BRD2: variants seen among roughly 807,000 people sequenced by gnomAD.
The protein encoded by BRD2 is bromodomain containing 2.
Under a neutral mutation model 79.1 loss-of-function variants are expected in BRD2, and 15 were observed. That is an observed-to-expected ratio of 0.19 (90% CI 0.13 to 0.29). BRD2 has a LOEUF of 0.29. Among genes scored for constraint, BRD2 ranks in the 10% least tolerant of loss-of-function variants. The pLI, the probability that BRD2 is intolerant of heterozygous loss-of-function variation, is 1.00. For synonymous variants in BRD2, 488 were observed against 358.6 expected (o/e 1.36, Z -4.08); for missense variants, 1,053 against 991.3 (o/e 1.06, Z -0.84).
At chr6:32,979,520 C>A in intron 10 of BRD2, 1 of 400,316 alleles carries the variant, frequency 2.5e-6, no homozygotes, top group South Asian at 5.0e-5. Flanking sequence ...TTTGTGACAA[C>A]CCTGTGTGGA....
chr6:32,969,908 C>T (rs1447100044), intron 1 of BRD2, among the ~76,000 whole-genome samples: 1 of 152,176 alleles, frequency 6.6e-6, no homozygotes, highest in Non-Finnish European at 1.5e-5. Context: ...CTGAACAGTT[C>T]TCTCCTTGTG....
chr6:32,974,361 C>A, intron 2 of BRD2, 101 bp from the exon 3 acceptor site: 3 of 1,247,256 alleles, frequency 2.4e-6, no homozygotes, highest in Non-Finnish European at 3.4e-6. Context: ...TAAGCTTAAC[C>A]ACCTCACTAG....
chr6:32,975,247 C>A, intron 3 of BRD2, 137 bp from the exon 4 acceptor site: 1 of 1,120,336 alleles, frequency 8.9e-7, no homozygotes, highest in Non-Finnish European at 1.2e-6. Flanking sequence ...TTAATTGGGG[C>A]CGCAGTTTAA....
intron 2 of BRD2, among the ~76,000 whole-genome samples, chr6:32,973,437 C>T (rs12196597): frequency 1.3e-5 from 2 of 152,074 alleles, no homozygotes; most frequent in Non-Finnish European, 2.9e-5. Context: ...CTTTTGCTTT[C>T]TTTGGGTGGG....
At position 32,972,289 on chromosome 6, in the gene BRD2, T is replaced by C. The variant is rs1282025508; in HGVS notation, c.-610T>C. The C allele has an allele frequency of 5.8e-5, 24 of 411,908 alleles. No individual in the cohort carries two copies. Among genetic ancestry groups the C allele is most frequent in the African/African-American group, 2.1e-5 (1 of 48,724 alleles). The allele number at this position is 411,908 out of a possible 1,614,324, so 25.5% of individuals were successfully genotyped here. A position where few individuals can be genotyped will look rare whatever the true frequency, so the allele number is the denominator to read the frequency against. ...CCTTCGAGTCGTCCGGGGCCGCCAT[T>C]ACAATCCACCTCCATCCGCTTGGAA... On this transcript the variant is annotated 5_prime_UTR_variant, in exon 2 of 13. Coordinates refer to ENST00000374825, the MANE Select transcript of BRD2 (RefSeq NM_005104.4).
Position 32,981,084 on chromosome 6 carries a change from T to G in BRD2, c.*366T>G, listed in dbSNP as rs2127530036. On this transcript the variant is annotated 3_prime_UTR_variant, in exon 13 of 13. Transcript: ENST00000374825. ...TTGAGATTGTTTGTTCTAATTTATT[T>G]TAAGCTAGGTAAGGCTGGGGGGAGG... 1 of 195,024 alleles carries G rather than the reference T, an allele frequency of 5.1e-6. No homozygotes were observed. Among genetic ancestry groups the G allele is most frequent in the African/African-American group, 2.3e-5 (1 of 43,362 alleles). The allele number at this position is 195,024 out of a possible 1,614,324, so 12.1% of individuals were successfully genotyped here.
At position 32,972,048 on chromosome 6, in the gene BRD2, T is replaced by TC; in HGVS notation, c.-849dup. ...AGAAAAAGCTCCCGCGGAGAGGTGT[T>TC]CCTTCCCCTTCGACTCAGCTTCTTC... On this transcript the variant is annotated 5_prime_UTR_variant, in exon 2 of 13. The change abolishes the stop of an existing upstream ORF in the 5' untranslated region. Transcript: ENST00000374825. 1.4e-6 allele frequency: 1 copy of TC among 700,878 alleles called. No homozygotes were observed. 43.4% of individuals were successfully genotyped at this position (700,878 alleles called of 1,614,324 possible).
intron 1 of BRD2, 183 bp downstream of exon 1, chr6:32,969,239 G>C: frequency 2.0e-6 from 1 of 498,664 alleles, no homozygotes. Flanking sequence ...CATGGGGGGG[G>C]AGGGGAATGG....
Position 32,979,874 on chromosome 6 carries a change from G to T in BRD2, c.1888G>T (p.Gly630Cys). 1 of 1,613,038 alleles carries T rather than the reference G, an allele frequency of 6.2e-7. No homozygotes were observed. The highest frequency in any genetic ancestry group is 8.5e-7 in the Non-Finnish European group (1 of 1,180,000). ...GACAGCCCCACCTGCCCTGCCTACA[G>T]GTTATGATTCAGAGGAGGAGGAAGA... is the stretch of plus-strand genomic sequence containing the variant. Reference protein sequence around the residue: ...TKTAPPALPTGYDSEEEEESR... With the variant: ...TKTAPPALPTCYDSEEEEESR... Residue 630 changes from glycine (G) to cysteine (C), a missense_variant, in exon 11 of 13, where the codon GGT becomes TGT. Coordinates refer to ENST00000374825, the MANE Select transcript of BRD2 (RefSeq NM_005104.4).
Position 32,980,645 on chromosome 6 carries a change from G to C in BRD2, c.2333G>C (p.Ser778Thr). ...GCAGTGTCACGCCTTAGCGCTTCCA[G>C]CTCCAGCTCAGATTCCAGCTCCTCC... ...QVAVSRLSAS[S>T]SSSDSSSSSS... is the part of the protein sequence containing the mutation. The change falls in exon 13 of 13, where the codon AGC becomes ACC. Residue 778 changes from serine to threonine, a missense_variant. Physicochemically the swap from Ser to Thr is moderately conservative, Grantham distance 58 (BLOSUM62 1). Around this residue, in one of 5 missense-constraint regions of BRD2, gnomAD observed 139 missense variants for 133.2 expected, o/e 1.04. Transcript: ENST00000374825. The C allele has an allele frequency of 6.2e-7, 1 of 1,613,144 alleles. No homozygotes were observed. The highest frequency in any genetic ancestry group is 8.5e-7 in the Non-Finnish European group (1 of 1,180,018).
intron 1 of BRD2, chr6:32,969,325 C>T (rs1042250218): frequency 2.8e-6 from 2 of 716,532 alleles, no homozygotes; most frequent in African/African-American, 3.5e-5. Flanking sequence ...TCCATTCGTC[C>T]CCTGGGGGTA....
At chr6:32,979,626 C>A in intron 10 of BRD2, 1 of 562,284 alleles carries the variant, frequency 1.8e-6, no homozygotes, top group Non-Finnish European at 3.0e-6. Flanking sequence ...TTTTTAAAGA[C>A]ATGTTATTGC....
chr6:32,969,041 A>C lies in BRD2; in HGVS notation c.-1320A>C. The C allele has an allele frequency of 2.5e-6, 1 of 395,274 alleles. No individual in the cohort carries two copies. Among genetic ancestry groups the C allele is most frequent in the East Asian group, 3.7e-5 (1 of 26,724 alleles). 24.5% of individuals were successfully genotyped at this position (395,274 alleles called of 1,614,324 possible). A position where few individuals can be genotyped will look rare whatever the true frequency, so the allele number is the denominator to read the frequency against. ...AGGGCAACTTTGGAGGCCCCCTGGA[A>C]GGCTTTAGGATCCAGGTGAGAAGGG... On this transcript the variant is annotated 5_prime_UTR_variant, in exon 1 of 13. Coordinates refer to ENST00000374825, the MANE Select transcript of BRD2 (RefSeq NM_005104.4).
chr6:32,972,334 A>G lies in BRD2; in HGVS notation c.-565A>G, dbSNP rs1413768471. 1.6e-5 allele frequency: 6 copies of G among 375,690 alleles called. No homozygotes were observed. Among genetic ancestry groups the G allele is most frequent in the South Asian group, 1.1e-4 (5 of 45,688 alleles). 23.3% of individuals were successfully genotyped at this position (375,690 alleles called of 1,614,324 possible). ...TTGGAAATGGCCTTCGTCCCGGCCTATGACTGGTCCCAGCGGGCAGTACAG... is the reference window on the plus strand; with the variant it reads ...TTGGAAATGGCCTTCGTCCCGGCCTGTGACTGGTCCCAGCGGGCAGTACAG... On this transcript the variant is annotated 5_prime_UTR_variant, in exon 2 of 13. It removes an upstream start codon present in the reference 5' UTR. Coordinates refer to ENST00000374825, the MANE Select transcript of BRD2 (RefSeq NM_005104.4).
Position 32,972,585 on chromosome 6 carries a change from T to G in BRD2, c.-314T>G. 4 of 521,598 alleles carry G rather than the reference T, an allele frequency of 7.7e-6. No individual in the cohort carries two copies. Among genetic ancestry groups the G allele is most frequent in the East Asian group, 6.8e-5 (2 of 29,382 alleles). 32.3% of individuals were successfully genotyped at this position (521,598 alleles called of 1,614,324 possible). A position where few individuals can be genotyped will look rare whatever the true frequency, so the allele number is the denominator to read the frequency against. On this transcript the variant is annotated 5_prime_UTR_variant, in exon 2 of 13. Coordinates refer to ENST00000374825, the MANE Select transcript of BRD2 (RefSeq NM_005104.4). ...ATCCCTGCAGACCAACAGCGGGCTATATTGACGACGGTGTCTGAGATCGGG... is the reference window on the plus strand; with the variant it reads ...ATCCCTGCAGACCAACAGCGGGCTAGATTGACGACGGTGTCTGAGATCGGG...
chr6:32,975,286 GT>G (rs1778582944), intron 3 of BRD2, 97 bp from the exon 4 acceptor site: 5 of 874,638 alleles, frequency 5.7e-6, no homozygotes, highest in Admixed American at 2.8e-5. Flanking sequence ...CATAGGGGGG[GT>G]GTGTGTGTGT....
intron 2 of BRD2, among the ~76,000 whole-genome samples, chr6:32,973,686 C>T (rs752546441): frequency 2.6e-5 from 4 of 152,036 alleles, no homozygotes; most frequent in African/African-American, 9.7e-5. Flanking sequence ...ACAGGGGGAA[C>T]TGGTAGTGGA....
chr6:32,971,764 C>T lies in BRD2; in HGVS notation c.-1135C>T, dbSNP rs1331831299. On this transcript the variant is annotated 5_prime_UTR_variant, in exon 2 of 13. An upstream open reading frame in the 5' UTR gains an earlier in-frame stop. Transcript: ENST00000374825. ...CGACCTGCTCGAGCTTGGCAGTCTC[C>T]AGTTGGGCTGTGCATGGAAGCTTGG... The T allele has an allele frequency of 3.3e-6, 2 of 603,236 alleles. No individual in the cohort carries two copies. The highest frequency in any genetic ancestry group is 5.7e-5 in the East Asian group (2 of 34,798). 37.4% of individuals were successfully genotyped at this position (603,236 alleles called of 1,614,324 possible).
rs776090989 is a variant in BRD2, at chr6:32,978,144, C to A, written c.1597C>A (p.Gln533Lys). 1 of 1,612,234 alleles carries A rather than the reference C, an allele frequency of 6.2e-7. No individual in the cohort carries two copies. The highest frequency in any genetic ancestry group is 8.5e-7 in the Non-Finnish European group (1 of 1,179,874). The stretch of plus-strand genomic sequence containing the variant: ...CCTTTAGCTTCGGGCAGTACATGAA[C>A]AACTGGCTGCTCTGTCCCAGGGTCC... ...LQEQLRAVHE[Q>K]LAALSQGPIS... is the part of the protein sequence containing the mutation. The change falls in exon 10 of 13, where the codon CAA (glutamine) becomes AAA (lysine). Residue 533 changes from glutamine (Q) to lysine (K), a missense_variant. By Grantham distance (53) the Gln-to-Lys change is moderately conservative. This residue lies in a region of BRD2 where 454 missense variants were observed against 430.5 expected (regional missense o/e 1.05). Transcript: ENST00000374825.
Sources: gnomAD v4.1 joint callset for allele counts (sites outside exome capture counted in the v4.1 genomes callset) on GRCh38, gnomAD v4.1.1 for gene constraint, gnomAD v4.1.1 regional missense constraint, MANE v1.5 for transcripts, NCBI Gene and HGNC (gene_info 2026-07-23, HGNC 2026-07-21) for gene names.